The following CDC27 variants were observed in gnomAD, a reference collection of about 807,000 sequenced individuals.
The protein encoded by CDC27 is cell division cycle 27, also known as cell division cycle protein 27 homolog.
CDC27 carries 27 observed loss-of-function variants against 109.7 expected under a neutral mutation model. The ratio of observed to expected loss-of-function variants is 0.25; its 90% confidence interval spans 0.18 to 0.34. The LOEUF is 0.34. CDC27 is among the 10% of genes least tolerant of loss of function. The probability of loss-of-function intolerance (pLI) is 1.00; values close to 1 mark genes in which losing one functional copy is unlikely to be tolerated. For missense variants in CDC27, 579 were observed against 960.2 expected, an observed-to-expected ratio of 0.60 and a Z score of 5.25; for synonymous variants, 266 against 333.9, an observed-to-expected ratio of 0.80 and a Z score of 2.22.
At chr17:47,136,144 AAAAC>A (rs997504209) in intron 14 of CDC27, among the ~76,000 whole-genome samples, 9 of 152,142 alleles carry the variant, frequency 5.9e-5, no homozygotes, top group South Asian at 2.1e-4. Flanking sequence ...TCTGCCTCAA[AAAAC>A]AAACAAACAA....
intron 9 of CDC27, among the ~76,000 whole-genome samples, chr17:47,144,393 A>T (rs11570513): frequency 0.1 from 15,950 of 152,296 alleles, 951 homozygotes; most frequent in South Asian, 0.2. Context: ...ACAAATGATA[A>T]GCACATCTAT....
chr17:47,145,779 TAATCCCAG>T (rs1004064231), intron 9 of CDC27, among the ~76,000 whole-genome samples: 4 of 151,956 alleles, frequency 2.6e-5, no homozygotes, highest in African/African-American at 4.8e-5. Context: ...CGGGTGCCTG[TAATCCCAG>T]CCACTCGCGG....
chr17:47,185,271 TG>T (rs2064389931), intron 1 of CDC27, among the ~76,000 whole-genome samples: 1 of 152,046 alleles, frequency 6.6e-6, no homozygotes, highest in South Asian at 2.1e-4. Flanking sequence ...CTCCACCTCC[TG>T]GGTTCACGCC....
intron 9 of CDC27, among the ~76,000 whole-genome samples, chr17:47,149,557 G>T (rs898019200): frequency 6.6e-6 from 1 of 151,404 alleles, no homozygotes; most frequent in Non-Finnish European, 1.5e-5. Flanking sequence ...GTCCTTCAAG[G>T]TGGAGGAAAA....
chr17:47,173,313 A>G (rs1230557715), intron 2 of CDC27, among the ~76,000 whole-genome samples: 1 of 152,046 alleles, frequency 6.6e-6, no homozygotes, highest in Non-Finnish European at 1.5e-5. Context: ...ATAGTAAATG[A>G]TAAGAAATTT....
At chr17:47,137,864 G>C (rs2062667709) in intron 13 of CDC27, among the ~76,000 whole-genome samples, 1 of 151,284 alleles carries the variant, frequency 6.6e-6, no homozygotes, top group Non-Finnish European at 1.5e-5. Context: ...GCAGTGGTGT[G>C]ATCTTGGCTC....
chr17:47,122,620 C>G lies in CDC27; in HGVS notation c.2236-20G>C. The G allele has an allele frequency of 6.5e-7, 1 of 1,533,994 alleles. No individual in the cohort carries two copies. Reference sequence around the variant, plus strand: ...GTAAACCTAAAAATAAACAGCAGCACTACATTTTTCATTAAGTTGTGAGCT... The same window carrying G: ...GTAAACCTAAAAATAAACAGCAGCAGTACATTTTTCATTAAGTTGTGAGCT... On this transcript the variant is annotated intron_variant, in intron 17 of 18. Coordinates refer to ENST00000066544, the MANE Select transcript of CDC27 (RefSeq NM_001256.6).
intron 4 of CDC27, among the ~76,000 whole-genome samples, chr17:47,163,485 G>A (rs951325591): frequency 1.3e-5 from 2 of 152,158 alleles, no homozygotes; most frequent in Admixed American, 6.5e-5. Context: ...AGGACTGCTT[G>A]AGCCCAGGAG....
intron 14 of CDC27, among the ~76,000 whole-genome samples, chr17:47,136,533 C>T (rs1349026119): frequency 1.3e-5 from 2 of 152,102 alleles, no homozygotes; most frequent in African/African-American, 4.8e-5. Context: ...TAAATGTCAA[C>T]AGTAAGTATG....
At chr17:47,131,144 C>T (rs2062318102) in intron 15 of CDC27, among the ~76,000 whole-genome samples, 1 of 152,080 alleles carries the variant, frequency 6.6e-6, no homozygotes, top group Admixed American at 6.6e-5. Flanking sequence ...TTAAAACAAC[C>T]TGTTCTACAA....
chr17:47,125,090 T>G (rs534810291), intron 16 of CDC27, among the ~76,000 whole-genome samples: 1 of 151,514 alleles, frequency 6.6e-6, no homozygotes, highest in African/African-American at 2.4e-5. Flanking sequence ...AATTTTGTTT[T>G]GTATTTTTAG....
intron 2 of CDC27, among the ~76,000 whole-genome samples, chr17:47,174,958 G>A (rs181120186): frequency 2.3e-3 from 326 of 142,314 alleles, no homozygotes; most frequent in African/African-American, 8.1e-3. Flanking sequence ...GGTCGAAACA[G>A]GACTATCGAA....
At chr17:47,147,353 C>T (rs933580940) in intron 9 of CDC27, among the ~76,000 whole-genome samples, 4 of 150,926 alleles carry the variant, frequency 2.7e-5, no homozygotes, top group African/African-American at 4.9e-5. Flanking sequence ...GAGTCGAGAT[C>T]GCGCCACTGC....
chr17:47,168,758 C>T (rs938944064), intron 4 of CDC27, among the ~76,000 whole-genome samples: 1 of 152,028 alleles, frequency 6.6e-6, no homozygotes, highest in Admixed American at 6.6e-5. Context: ...CACCTGAAAA[C>T]GGGCCCCCAA....
At chr17:47,180,599 G>A (rs183086580) in intron 2 of CDC27, among the ~76,000 whole-genome samples, 37 of 139,088 alleles carry the variant, frequency 2.7e-4, no homozygotes, top group Non-Finnish European at 3.9e-4. Context: ...ATAACCCAAG[G>A]AAATGACTCA....
intron 9 of CDC27, among the ~76,000 whole-genome samples, chr17:47,148,176 GCAA>G (rs2063035709): frequency 6.7e-6 from 1 of 149,384 alleles, no homozygotes; most frequent in Non-Finnish European, 1.5e-5. Flanking sequence ...TCCAGCCTGG[GCAA>G]CAGAGCGAGA....
At chr17:47,150,963 C>T (rs1245208039) in intron 9 of CDC27, among the ~76,000 whole-genome samples, 1 of 150,380 alleles carries the variant, frequency 6.6e-6, no homozygotes, top group Non-Finnish European at 1.5e-5. Context: ...ACCCGGGAGG[C>T]GGAGGTTGTG....
chr17:47,168,413 T>C (rs1270872224), intron 4 of CDC27, among the ~76,000 whole-genome samples: 1 of 152,204 alleles, frequency 6.6e-6, no homozygotes, highest in Admixed American at 6.5e-5. Flanking sequence ...AGACCAAATA[T>C]ATATATTTCA....
At chr17:47,124,178 A>AACACACACAC (rs59790354) in intron 16 of CDC27, among the ~76,000 whole-genome samples, 8,502 of 144,378 alleles carry the variant, frequency 0.059, 443 homozygotes, top group African/African-American at 0.14. Context: ...GTACACTGAA[A>AACACACACAC]ACACACACAC....
Sources: gnomAD v4.1 joint callset for allele counts (sites outside exome capture counted in the v4.1 genomes callset) on GRCh38, gnomAD v4.1.1 for gene constraint, MANE v1.5 for transcripts, NCBI Gene and HGNC (gene_info 2026-07-23, HGNC 2026-07-21) for gene names.